ZNF786: variants seen among roughly 807,000 people sequenced by gnomAD.
The protein encoded by ZNF786 is zinc finger protein 786.
In ZNF786, 56 loss-of-function variants were observed where a neutral mutation model predicts 63.1. The observed-to-expected ratio is 0.89, with a 90% CI of 0.72 to 1.11. The LOEUF is 1.11. ZNF786 is among the 50% of genes least tolerant of loss of function. ZNF786 has a pLI of 0.00. For synonymous variants in ZNF786, 485 were observed against 406.9 expected (o/e 1.19, Z -2.31); for missense variants, 1,213 against 1,041.8 (o/e 1.16, Z -2.26).
Position 149,070,996 on chromosome 7 carries a change from G to A in ZNF786, c.1776C>T (p.Pro592=), listed in dbSNP as rs778989581. 10 of 1,613,026 alleles carry A rather than the reference G, an allele frequency of 6.2e-6. No individual in the cohort carries two copies. Among genetic ancestry groups the A allele is most frequent in the East Asian group, 2.2e-5 (1 of 44,878 alleles). Residue 592 remains proline (P), a synonymous_variant, in exon 4 of 4, where the codon CCC becomes CCT. Transcript: ENST00000491431. ...EHLRVHSGER[P]FQCPECNRSF... is the part of the protein sequence containing the mutation. ...TCCTGTTGCACTCTGGGCACTGGAA[G>A]GGTCTCTCCCCGCTGTGCACGCGCA...
In ZNF786 at chr7:149,071,557, G is replaced by A. The variant is rs770828838; in HGVS notation, c.1215C>T (p.Arg405=). ...CCTGCAGCAGGCGGCGCAGGCGGAA[G>A]CGCTTGGTGCAATGCGCACACTGGA... ...KPFQCAHCTK[R]FRLRRLLQVH... Residue 405 remains arginine, a synonymous_variant, in exon 4 of 4, where the codon CGC becomes CGT. Transcript: ENST00000491431. 1.2e-6 allele frequency: 2 copies of A among 1,612,652 alleles called. No individual in the cohort carries two copies. Among genetic ancestry groups the A allele is most frequent in the South Asian group, 2.2e-5 (2 of 91,048 alleles).
intron 1 of ZNF786, among the ~76,000 whole-genome samples, chr7:149,088,807 CATT>C (rs909936262): frequency 5.3e-5 from 8 of 152,128 alleles, no homozygotes; most frequent in African/African-American, 1.7e-4. Context: ...TAAAGGCAAA[CATT>C]ATAAATAATA....
rs1825375302 is a variant in ZNF786 at position 149,070,252 on chromosome 7, T to C, written c.*171A>G. 1.2e-6 allele frequency: 1 copy of C among 845,108 alleles called. No homozygotes were observed. Among genetic ancestry groups the C allele is most frequent in the African/African-American group, 1.7e-5 (1 of 59,278 alleles). 52.4% of individuals were successfully genotyped at this position (845,108 alleles called of 1,614,324 possible). On this transcript the variant is annotated 3_prime_UTR_variant, in exon 4 of 4. Transcript: ENST00000491431. ...AAGAAAGAAATATAATTGGTGATGC[T>C]TCTGAAGAGAAAATCCTTTGTGGTT...
intron 1 of ZNF786, among the ~76,000 whole-genome samples, chr7:149,087,890 A>G (rs1825762941): frequency 6.6e-6 from 1 of 151,738 alleles, no homozygotes; most frequent in African/African-American, 2.4e-5. Flanking sequence ...CCTGGGCTCA[A>G]GTGATTCTGT....
chr7:149,090,372 C>T (rs1245812492), intron 1 of ZNF786, among the ~76,000 whole-genome samples: 1 of 152,266 alleles, frequency 6.6e-6, no homozygotes, highest in Non-Finnish European at 1.5e-5. Context: ...CAGGCTCCGC[C>T]CCGCTCCTAG....
At position 149,071,585 on chromosome 7, in the gene ZNF786, G is replaced by A. The variant is rs928331717; in HGVS notation, c.1187C>T (p.Pro396Leu). 4.3e-6 allele frequency: 7 copies of A among 1,610,042 alleles called. No individual in the cohort carries two copies. Among genetic ancestry groups the A allele is most frequent in the Non-Finnish European group, 5.9e-6 (7 of 1,178,962 alleles). ...SPCRAHTGEKPFQCAHCTKRF... is the reference protein window; with the variant it reads ...SPCRAHTGEKLFQCAHCTKRF... ...CTTGGTGCAATGCGCACACTGGAAG[G>A]GCTTTTCTCCAGTATGCGCCCTGCA... Residue 396 changes from proline (P) to leucine (L), a missense_variant, in exon 4 of 4, where the codon CCC becomes CTC. Pro to Leu is a moderately conservative substitution (Grantham distance 98). Transcript: ENST00000491431.
Position 149,070,633 on chromosome 7 carries a change from G to A in ZNF786, c.2139C>T (p.Phe713=), listed in dbSNP as rs770375510. ...GCCTCAGCATGTGTCCCCTTTCCCG[G>A]AAGTTCTTGTCACACTCAGGGCAGT... ...PFHCPECDKN[F]RERGHMLRHQ... Residue 713 remains phenylalanine, a synonymous_variant, in exon 4 of 4, where the codon TTC becomes TTT. Transcript: ENST00000491431. The A allele has an allele frequency of 8.7e-6, 14 of 1,613,848 alleles. No individual in the cohort carries two copies. The African/African-American group carries it at 1.9e-4, about 22-fold the overall frequency.
intron 1 of ZNF786, among the ~76,000 whole-genome samples, chr7:149,086,382 C>G (rs1825736256): frequency 6.6e-6 from 1 of 152,150 alleles, no homozygotes; most frequent in Non-Finnish European, 1.5e-5. Context: ...AATCCCAGCA[C>G]TTTGGGAGGC....
At chr7:149,086,629 C>CAT (rs796746368) in intron 1 of ZNF786, among the ~76,000 whole-genome samples, 4 of 145,624 alleles carry the variant, frequency 2.7e-5, no homozygotes, top group African/African-American at 1.1e-4. Context: ...CTCTGTCTCA[C>CAT]ACACACACAC....
intron 3 of ZNF786, among the ~76,000 whole-genome samples, chr7:149,074,031 G>A (rs1425890960): frequency 6.6e-6 from 1 of 151,454 alleles, no homozygotes; most frequent in Non-Finnish European, 1.5e-5. Context: ...GACCTCAAGT[G>A]ATCTGCCCGC....
Position 149,082,582 on chromosome 7 carries a change from TA to T in ZNF786, c.19-1866del. On this transcript the variant is annotated intron_variant, in intron 1 of 3. Transcript: ENST00000491431. ...TATTAAAGTTTATCTTGTTCCAACT[TA>T]AATTTTTTTTTTTTTTGAGACGGCA... 4.2e-5 allele frequency: 33 copies of T among 779,034 alleles called. No homozygotes were observed. In the African/African-American group the frequency reaches 5.2e-4, roughly 12 times the overall value. The allele number at this position is 779,034 out of a possible 1,614,324, so 48.3% of individuals were successfully genotyped here.
At position 149,071,239 on chromosome 7, in the gene ZNF786, A is replaced by G; in HGVS notation, c.1533T>C (p.Cys511=). The G allele has an allele frequency of 6.2e-7, 1 of 1,611,724 alleles. No individual in the cohort carries two copies. Reference sequence around the variant, plus strand: ...GGGTGAAGCCTCTGCCACACTCGCTACAGGAGAACGGCCTCTCCCCACCGT... The same window carrying G: ...GGGTGAAGCCTCTGCCACACTCGCTGCAGGAGAACGGCCTCTCCCCACCGT... The part of the protein sequence containing the change: ...LRHGGERPFS[C]SECGRGFTHQ... The change falls in exon 4 of 4, where the codon TGT becomes TGC. Residue 511 remains cysteine (C), a synonymous_variant. Coordinates refer to ENST00000491431, the MANE Select transcript of ZNF786 (RefSeq NM_152411.4).
chr7:149,087,400 G>A (rs1039520148), intron 1 of ZNF786, among the ~76,000 whole-genome samples: 3 of 152,118 alleles, frequency 2.0e-5, no homozygotes, highest in Non-Finnish European at 4.4e-5. Context: ...TTTGTCCCCT[G>A]GCAACATTTT....
At chr7:149,082,494 G>A (rs1825668201) in intron 1 of ZNF786, 19 of 897,918 alleles carry the variant, frequency 2.1e-5, no homozygotes, top group Non-Finnish European at 2.5e-5. Context: ...AATTACATAA[G>A]CATACATCCC....
chr7:149,084,636 T>C (rs1381173182), intron 1 of ZNF786, among the ~76,000 whole-genome samples: 2 of 152,302 alleles, frequency 1.3e-5, no homozygotes, highest in East Asian at 3.9e-4. Context: ...CCTTTGCCCA[T>C]TTTTTAATGC....
Position 149,090,687 on chromosome 7 carries a change from C to A in ZNF786, c.-47G>T. 6.4e-7 allele frequency: 1 copy of A among 1,563,054 alleles called. No homozygotes were observed. The highest frequency in any genetic ancestry group is 8.7e-7 in the Non-Finnish European group (1 of 1,153,314). On this transcript the variant is annotated 5_prime_UTR_variant, in exon 1 of 4. Coordinates refer to ENST00000491431, the MANE Select transcript of ZNF786 (RefSeq NM_152411.4). ...CCCTGGCAAACCCGACCGTCTCCGG[C>A]GGCTCCGCAGGAACCTGCCCTGCTG...
Position 149,074,532 on chromosome 7 carries a change from C to T in ZNF786, c.152G>A (p.Gly51Glu), listed in dbSNP as rs775289957. The change falls in exon 3 of 4, where the codon GGA becomes GAA. Residue 51 changes from glycine to glutamate, a missense_variant. Coordinates refer to ENST00000491431, the MANE Select transcript of ZNF786 (RefSeq NM_152411.4). Reference sequence around the variant, plus strand: ...GGATATTAGTTCTGGTTTTGGAAGTCCATCATCTGCACAGAGAAGTCAGAC... The same window carrying T: ...GGATATTAGTTCTGGTTTTGGAAGTTCATCATCTGCACAGAGAAGTCAGAC... ...NYETLVSLDD[G>E]LPKPELISWI... is the part of the protein sequence containing the mutation. 6.2e-6 allele frequency: 10 copies of T among 1,613,582 alleles called. No homozygotes were observed. The highest frequency in any genetic ancestry group is 8.5e-6 in the Non-Finnish European group (10 of 1,179,732).
chr7:149,074,736 A>T (rs1194403953), intron 2 of ZNF786, among the ~76,000 whole-genome samples, 198 bp from the exon 3 acceptor site: 5 of 151,836 alleles, frequency 3.3e-5, no homozygotes, highest in Non-Finnish European at 5.9e-5. Context: ...ATGTTAGATC[A>T]GGTATGTTGT....
At chr7:149,073,497 C>T (rs930616667) in intron 3 of ZNF786, among the ~76,000 whole-genome samples, 2 of 151,852 alleles carry the variant, frequency 1.3e-5, no homozygotes, top group Non-Finnish European at 2.9e-5. Context: ...GCCAGGAGTT[C>T]AAGACTGCAG....
Sources: gnomAD v4.1 joint callset for allele counts (sites outside exome capture counted in the v4.1 genomes callset) on GRCh38, gnomAD v4.1.1 for gene constraint, MANE v1.5 for transcripts, NCBI Gene and HGNC (gene_info 2026-07-23, HGNC 2026-07-21) for gene names.